The following CLMP variants were observed in gnomAD, a reference collection of about 807,000 sequenced individuals.
CLMP encodes CXADR-like membrane protein.
CLMP carries 27 observed loss-of-function variants against 45.2 expected under a neutral mutation model. That is an observed-to-expected ratio of 0.60 (90% CI 0.44 to 0.82). The LOEUF (loss-of-function observed/expected upper bound fraction) is 0.82, where lower values mean the gene tolerates loss of function less well. Ranked by LOEUF, CLMP falls within the 40% of genes least tolerant of loss-of-function variation. The probability of loss-of-function intolerance (pLI) is 0.00; values close to 1 mark genes in which losing one functional copy is unlikely to be tolerated. For missense variants in CLMP, 403 were observed against 448.4 expected (o/e 0.90, Z 0.91); for synonymous variants, 167 against 171.4 (o/e 0.97, Z 0.20).
intron 1 of CLMP, among the ~76,000 whole-genome samples, chr11:123,102,701 G>C (rs7942866): frequency 7.4e-4 from 102 of 138,048 alleles, no homozygotes; most frequent in African/African-American, 2.8e-3. Flanking sequence ...TCAGCCTCCC[G>C]AGTAGCTTTT....
chr11:123,101,784 G>A (rs1204547966), intron 1 of CLMP, among the ~76,000 whole-genome samples: 2 of 152,218 alleles, frequency 1.3e-5, no homozygotes, highest in African/African-American at 2.4e-5. Context: ...AAACTCAACC[G>A]CTTTTGCAAA....
chr11:123,147,556 G>T (rs1216062189), intron 1 of CLMP, among the ~76,000 whole-genome samples: 2 of 152,186 alleles, frequency 1.3e-5, no homozygotes, highest in African/African-American at 4.8e-5. Context: ...AGGATTACAG[G>T]TGTGAGCCAC....
intron 1 of CLMP, among the ~76,000 whole-genome samples, chr11:123,154,480 G>A (rs1460548585): frequency 6.6e-6 from 1 of 152,148 alleles, no homozygotes; most frequent in Non-Finnish European, 1.5e-5. Flanking sequence ...TGCAAGTAGG[G>A]CCTTGAAAAA....
At chr11:123,129,667 A>T (rs1025519143) in intron 1 of CLMP, among the ~76,000 whole-genome samples, 2 of 142,426 alleles carry the variant, frequency 1.4e-5, no homozygotes, top group Admixed American at 7.5e-5. Flanking sequence ...TATAAATTTT[A>T]TATATATAAA....
rs184690912 is a variant in CLMP, at chr11:123,090,185, C to A, written c.187-5472G>T. Among the ~76,000 whole-genome samples the A allele has an allele frequency of 2.2e-4, 34 of 151,944 alleles. No individual in the cohort carries two copies. The East Asian group carries it at 6.4e-3, about 29-fold the overall frequency. ...GCTAGGCTGGGCATGGTGGCTTACA[C>A]CTCTAATCTCAGCACTTTGGGAGGC... On this transcript the variant is annotated intron_variant, in intron 2 of 6. Coordinates refer to ENST00000448775, the MANE Select transcript of CLMP (RefSeq NM_024769.5).
At chr11:123,119,156 T>G (rs1860776684) in intron 1 of CLMP, among the ~76,000 whole-genome samples, 1 of 149,646 alleles carries the variant, frequency 6.7e-6, no homozygotes, top group South Asian at 2.1e-4. Context: ...TGATCTTGGC[T>G]CACCACAACC....
chr11:123,142,621 C>CT lies in CLMP; in HGVS notation c.29-44670dup, dbSNP rs71057336. Among the ~76,000 whole-genome samples, 303 of 123,230 alleles carry CT rather than the reference C, an allele frequency of 2.5e-3. 12 individuals are homozygous for CT. Among genetic ancestry groups the CT allele is most frequent in the East Asian group, 0.011 (43 of 4,088 alleles). The allele number at this position is 123,230 out of a possible 152,430, so 80.8% of individuals were successfully genotyped here. A position where few individuals can be genotyped will look rare whatever the true frequency, so the allele number is the denominator to read the frequency against. On this transcript the variant is annotated intron_variant, in intron 1 of 6. Transcript: ENST00000448775. ...TGAGGTTCTTGGCTGGATGAGGTTT[C>CT]TTTTTTTTTTTTTTTTTGAGACGGA...
rs865811140 is a variant in CLMP at position 123,083,652 on chromosome 11, T to C, written c.556+28A>G. The C allele has an allele frequency of 2.5e-6, 4 of 1,612,080 alleles. No individual in the cohort carries two copies. In the Middle Eastern group the frequency reaches 6.7e-4, roughly 270 times the overall value. Reference sequence around the variant, plus strand: ...ACGGATAGAGGACTATTTTGTTGGCTCAATAGATTGGTAGGAAGATGACTT... The same window carrying C: ...ACGGATAGAGGACTATTTTGTTGGCCCAATAGATTGGTAGGAAGATGACTT... On this transcript the variant is annotated intron_variant, in intron 4 of 6. Transcript: ENST00000448775.
intron 1 of CLMP, among the ~76,000 whole-genome samples, chr11:123,160,343 C>G (rs774133838): frequency 4.0e-5 from 6 of 148,924 alleles, no homozygotes; most frequent in Non-Finnish European, 8.9e-5. Context: ...CCAATTATAC[C>G]CTGAACTTTT....
At chr11:123,112,866 C>T (rs554822572) in intron 1 of CLMP, among the ~76,000 whole-genome samples, 14 of 150,354 alleles carry the variant, frequency 9.3e-5, no homozygotes, top group East Asian at 2.0e-4. Context: ...CTCCGCCTCC[C>T]GGGTTCACGC....
At chr11:123,098,335 C>T (rs1315836545) in intron 1 of CLMP, among the ~76,000 whole-genome samples, 7 of 151,860 alleles carry the variant, frequency 4.6e-5, no homozygotes, top group African/African-American at 1.5e-4. Flanking sequence ...TCAAGTGATT[C>T]TCCTGCCTTA....
At chr11:123,089,501 C>T (rs1422104937) in intron 2 of CLMP, among the ~76,000 whole-genome samples, 1 of 152,106 alleles carries the variant, frequency 6.6e-6, no homozygotes, top group South Asian at 2.1e-4. Flanking sequence ...TGCAGTGGCT[C>T]ATGCCTGTAA....
At chr11:123,175,122 TA>T (rs1022903514) in intron 1 of CLMP, among the ~76,000 whole-genome samples, 20 of 152,194 alleles carry the variant, frequency 1.3e-4, no homozygotes, top group Admixed American at 2.0e-4. Context: ...CCTGACTTAT[TA>T]AAAAAAATTT....
At chr11:123,165,971 A>G (rs1227061653) in intron 1 of CLMP, among the ~76,000 whole-genome samples, 2 of 152,204 alleles carry the variant, frequency 1.3e-5, no homozygotes, top group Non-Finnish European at 2.9e-5. Flanking sequence ...TGCTACTTCC[A>G]GTATGCTTAA....
chr11:123,152,070 A>G (rs529855826), intron 1 of CLMP, among the ~76,000 whole-genome samples: 409 of 152,218 alleles, frequency 2.7e-3, no homozygotes, highest in African/African-American at 9.5e-3. Flanking sequence ...TCTTCCCCTC[A>G]ATTTCCTATA....
intron 6 of CLMP, 107 bp from the exon 7 acceptor site, chr11:123,073,881 T>C: frequency 3.4e-6 from 4 of 1,184,124 alleles, no homozygotes; most frequent in South Asian, 1.5e-5. Flanking sequence ...GATAATACCA[T>C]CGGAAGGCAA....
At chr11:123,133,141 G>A (rs753659974) in intron 1 of CLMP, among the ~76,000 whole-genome samples, 1 of 152,236 alleles carries the variant, frequency 6.6e-6, no homozygotes, top group Admixed American at 6.5e-5. Flanking sequence ...AGGGAAAGAC[G>A]GGAAGTTTGC....
At chr11:123,165,705 T>C (rs1861547064) in intron 1 of CLMP, among the ~76,000 whole-genome samples, 1 of 152,278 alleles carries the variant, frequency 6.6e-6, no homozygotes, top group Admixed American at 6.5e-5. Context: ...TCAAAAGCAG[T>C]GTTCTTTGTA....
At chr11:123,129,287 AC>A (rs981280927) in intron 1 of CLMP, among the ~76,000 whole-genome samples, 1 of 150,628 alleles carries the variant, frequency 6.6e-6, no homozygotes, top group Non-Finnish European at 1.5e-5. Context: ...CCGAGATTGT[AC>A]CATTGCACTC....
Sources: allele counts gnomAD v4.1 joint callset (sites outside exome capture counted in the v4.1 genomes callset), GRCh38; gene constraint gnomAD v4.1.1; transcripts MANE v1.5; gene names NCBI Gene and HGNC (gene_info 2026-07-23, HGNC 2026-07-21).